The following ATF6 variants were observed in gnomAD, a reference collection of about 807,000 sequenced individuals.
The protein encoded by ATF6 is cyclic AMP-dependent transcription factor ATF-6 alpha.
Under a neutral mutation model 83.6 loss-of-function variants are expected in ATF6, and 53 were observed. The ratio of observed to expected loss-of-function variants is 0.63; its 90% CI spans 0.51 to 0.80. The LOEUF (loss-of-function observed/expected upper bound fraction) is 0.80, where lower values mean the gene tolerates loss of function less well. Among genes scored for constraint, ATF6 ranks in the 30% least tolerant of loss-of-function variants. The probability of loss-of-function intolerance (pLI) is 0.00; values close to 1 mark genes in which losing one functional copy is unlikely to be tolerated. For synonymous variants in ATF6, 288 were observed against 285.8 expected (o/e 1.01, Z -0.08); for missense variants, 744 against 797.9 (o/e 0.93, Z 0.81).
chr1:161,829,960 C>G (rs1375602026), intron 9 of ATF6, among the ~76,000 whole-genome samples: 1 of 152,034 alleles, frequency 6.6e-6, no homozygotes, highest in Non-Finnish European at 1.5e-5. Flanking sequence ...CCAGGGCAAT[C>G]AGGCAGGAGA....
chr1:161,920,183 A>C (rs1047779578), intron 15 of ATF6, among the ~76,000 whole-genome samples: 21 of 150,390 alleles, frequency 1.4e-4, no homozygotes, highest in Non-Finnish European at 2.8e-4. Context: ...AATTCATTTC[A>C]TTTCAGTTTC....
chr1:161,905,049 A>T (rs994041758), intron 14 of ATF6, among the ~76,000 whole-genome samples: 13 of 152,238 alleles, frequency 8.5e-5, no homozygotes, highest in African/African-American at 3.1e-4. Flanking sequence ...TTTGAAAAGG[A>T]TCAAGATCTG....
chr1:161,907,907 T>C (rs922091167), intron 14 of ATF6, among the ~76,000 whole-genome samples: 3 of 152,152 alleles, frequency 2.0e-5, no homozygotes, highest in Non-Finnish European at 2.9e-5. Context: ...TTACTGTATA[T>C]TGGAATAAGA....
intron 15 of ATF6, among the ~76,000 whole-genome samples, chr1:161,927,033 T>C (rs1688328780): frequency 6.6e-6 from 1 of 152,008 alleles, no homozygotes; most frequent in South Asian, 2.1e-4. Context: ...TGCCAAGTAA[T>C]GTACAGGTTT....
intron 9 of ATF6, among the ~76,000 whole-genome samples, chr1:161,830,301 C>T (rs1686020488): frequency 2.0e-5 from 3 of 152,198 alleles, no homozygotes; most frequent in South Asian, 4.1e-4. Flanking sequence ...TAAAAGAGGA[C>T]ACAAACAAAT....
At chr1:161,777,983 A>G (rs540725413) in intron 1 of ATF6, among the ~76,000 whole-genome samples, 14 of 152,328 alleles carry the variant, frequency 9.2e-5, no homozygotes, top group African/African-American at 3.1e-4. Context: ...AGCCACTACC[A>G]ATTAGTCTTA....
chr1:161,820,056 A>T (rs1056358975), intron 8 of ATF6, among the ~76,000 whole-genome samples: 4 of 152,192 alleles, frequency 2.6e-5, no homozygotes, highest in Non-Finnish European at 5.9e-5. Context: ...CTCCTCATTC[A>T]TTGCCTTAGC....
At chr1:161,812,828 T>C (rs1685509228) in intron 7 of ATF6, among the ~76,000 whole-genome samples, 1 of 151,308 alleles carries the variant, frequency 6.6e-6, no homozygotes, top group Non-Finnish European at 1.5e-5. Context: ...CACATAATTT[T>C]CCTGAAAGCC....
chr1:161,923,568 T>G (rs1688256057), intron 15 of ATF6, among the ~76,000 whole-genome samples: 1 of 152,248 alleles, frequency 6.6e-6, no homozygotes, highest in East Asian at 1.9e-4. Context: ...TAGAGCTGCC[T>G]TTATATACTT....
chr1:161,955,614 G>A (rs1337319510), intron 15 of ATF6, among the ~76,000 whole-genome samples: 5 of 152,198 alleles, frequency 3.3e-5, no homozygotes, highest in Non-Finnish European at 5.9e-5. Flanking sequence ...TTAGTACTAA[G>A]CCACCCAAAG....
chr1:161,929,036 A>G (rs2101900766), intron 15 of ATF6, among the ~76,000 whole-genome samples: 1 of 152,356 alleles, frequency 6.6e-6, no homozygotes, highest in East Asian at 1.9e-4. Flanking sequence ...TGTAACTCCC[A>G]GTTATTAAGA....
At chr1:161,957,068 C>T (rs1183398743) in intron 15 of ATF6, among the ~76,000 whole-genome samples, 1 of 152,008 alleles carries the variant, frequency 6.6e-6, no homozygotes, top group Admixed American at 6.6e-5. Flanking sequence ...ACAAGCTCCA[C>T]AGCATAGTTG....
At chr1:161,888,189 T>C (rs1687469723) in intron 14 of ATF6, among the ~76,000 whole-genome samples, 1 of 152,226 alleles carries the variant, frequency 6.6e-6, no homozygotes, top group South Asian at 2.1e-4. Flanking sequence ...AATAATTCCA[T>C]ATAAATGGCT....
intron 14 of ATF6, among the ~76,000 whole-genome samples, chr1:161,866,567 T>A (rs1321932332): frequency 6.6e-6 from 1 of 152,232 alleles, no homozygotes; most frequent in Non-Finnish European, 1.5e-5. Context: ...TCCAGTTATT[T>A]GTAGCTTATT....
In ATF6 at chr1:161,817,961, C is replaced by T. The variant is rs550498792; in HGVS notation, c.910-1672C>T. ...AAATACACAAACAAAATTAGCCAGGCGTGGTGGTGGGCACCTGTAGTCCCA... is the reference window on the plus strand; with the variant it reads ...AAATACACAAACAAAATTAGCCAGGTGTGGTGGTGGGCACCTGTAGTCCCA... On this transcript the variant is annotated intron_variant, in intron 7 of 15. Transcript: ENST00000367942. Among the ~76,000 whole-genome samples the T allele has an allele frequency of 1.0e-3, 152 of 151,848 alleles. 1 individual carries two copies. The highest frequency in any genetic ancestry group is 6.8e-3 in the Middle Eastern group (2 of 294).
chr1:161,844,223 G>A (rs1398213326), intron 9 of ATF6, among the ~76,000 whole-genome samples: 3 of 152,162 alleles, frequency 2.0e-5, no homozygotes, highest in African/African-American at 7.2e-5. Context: ...CCTCTGAGAA[G>A]CATGTTTATA....
chr1:161,850,890 C>G (rs1348111970), intron 10 of ATF6, among the ~76,000 whole-genome samples: 2 of 152,168 alleles, frequency 1.3e-5, no homozygotes, highest in African/African-American at 4.8e-5. Context: ...ATCCCCATCT[C>G]AAATTCTAAC....
chr1:161,962,970 G>C lies in ATF6; in HGVS notation c.*4316G>C, dbSNP rs1347640033. ...TATAACTTTTAGAAACAAGAATAAA[G>C]CCTAAAAGAGAATGAAATATAAGAA... On this transcript the variant is annotated 3_prime_UTR_variant, in exon 16 of 16. Coordinates refer to ENST00000367942, the MANE Select transcript of ATF6 (RefSeq NM_007348.4). 6.6e-6 allele frequency: 1 copy of C among 152,244 alleles called. No homozygotes were observed. The highest frequency in any genetic ancestry group is 1.9e-4 in the East Asian group (1 of 5,186). 9.4% of individuals were successfully genotyped at this position (152,244 alleles called of 1,614,324 possible).
chr1:161,838,113 G>A (rs1686268128), intron 9 of ATF6, among the ~76,000 whole-genome samples: 1 of 152,342 alleles, frequency 6.6e-6, no homozygotes, highest in Non-Finnish European at 1.5e-5. Flanking sequence ...CTTAGGATTG[G>A]CTGTGATAGG....
Sources: allele counts gnomAD v4.1 joint callset (sites outside exome capture counted in the v4.1 genomes callset), GRCh38; gene constraint gnomAD v4.1.1; transcripts MANE v1.5; gene names NCBI Gene and HGNC (gene_info 2026-07-23, HGNC 2026-07-21).